Variants in RETREG3 observed in about 807,000 individuals in gnomAD.
RETREG3 encodes the protein reticulophagy regulator 3.
In RETREG3, 23 loss-of-function variants were observed where a neutral mutation model predicts 50.2. That is an observed-to-expected ratio of 0.46 (90% CI 0.33 to 0.65). The LOEUF is 0.65. RETREG3 is among the 30% of genes least tolerant of loss of function. RETREG3 has a pLI of 0.02. For missense variants in RETREG3, 546 were observed against 598.0 expected (o/e 0.91, Z 0.91); for synonymous variants, 240 against 234.4 (o/e 1.02, Z -0.22).
intron 1 of RETREG3, among the ~76,000 whole-genome samples, chr17:42,596,948 C>T (rs1163290768): frequency 6.6e-6 from 1 of 151,142 alleles, no homozygotes; most frequent in Non-Finnish European, 1.5e-5. Context: ...TCTTGGCTCA[C>T]TGCAACCTCT....
intron 1 of RETREG3, among the ~76,000 whole-genome samples, chr17:42,595,774 T>C (rs528475530): frequency 4.8e-4 from 72 of 149,750 alleles, no homozygotes; most frequent in African/African-American, 1.7e-3. Flanking sequence ...ATTCAAGAGA[T>C]TGATTCTCCC....
intron 1 of RETREG3, chr17:42,598,591 G>A (rs2093152585): frequency 6.6e-6 from 1 of 151,886 alleles, no homozygotes. Context: ...TACTAGATTG[G>A]TGTTTTCCCT....
chr17:42,596,073 C>A (rs1292988867), intron 1 of RETREG3, among the ~76,000 whole-genome samples: 1 of 151,602 alleles, frequency 6.6e-6, no homozygotes, highest in Admixed American at 6.6e-5. Flanking sequence ...TTATCGTTGC[C>A]GAAAAATGTT....
rs144977296 is a variant in RETREG3, at chr17:42,591,075, A to G, written c.346+981T>C. On this transcript the variant is annotated intron_variant, in intron 2 of 8. Transcript: ENST00000309428. ...AACCTTCATCCTGGCCATATGATCA[A>G]TTCTCTGATGTCAGGAAATGCTTTG... Among the ~76,000 whole-genome samples the G allele has an allele frequency of 5.4e-3, 829 of 152,328 alleles. 3 individuals are homozygous for G. Among genetic ancestry groups the G allele is most frequent in the Non-Finnish European group, 7.2e-3 (493 of 68,024 alleles).
Position 42,581,863 on chromosome 17 carries a change from C to A in RETREG3, c.1351G>T (p.Asp451Tyr). The part of the protein sequence containing the change: ...DAEGDDFELL[D>Y]QSELSQLDPA... ...TCCAGCTGACTCAGCTCCGACTGGT[C>A]CAGAAGTTCAAAGTCATCCCCCTCA... The change falls in exon 9 of 9, where the codon GAC (aspartate) becomes TAC (tyrosine). Residue 451 changes from aspartate (D) to tyrosine (Y), a missense_variant. Physicochemically the swap from Asp to Tyr is radical, Grantham distance 160 (BLOSUM62 -3). Transcript: ENST00000309428. The A allele has an allele frequency of 6.2e-7, 1 of 1,611,944 alleles. No homozygotes were observed. Among genetic ancestry groups the A allele is most frequent in the Non-Finnish European group, 8.5e-7 (1 of 1,178,476 alleles).
chr17:42,587,770 T>C, intron 3 of RETREG3, 64 bp downstream of exon 3: 1 of 1,595,802 alleles, frequency 6.3e-7, no homozygotes, highest in Non-Finnish European at 8.6e-7. Flanking sequence ...TAACAACATG[T>C]AACCAGAATA....
intron 1 of RETREG3, among the ~76,000 whole-genome samples, chr17:42,600,022 C>A (rs1269190929): frequency 1.3e-5 from 2 of 151,552 alleles, no homozygotes; most frequent in African/African-American, 2.4e-5. Flanking sequence ...ACAGAAAAAA[C>A]CACCTAAACA....
At chr17:42,588,077 A>G (rs1181576030) in intron 2 of RETREG3, among the ~76,000 whole-genome samples, 4 of 152,196 alleles carry the variant, frequency 2.6e-5, no homozygotes. Context: ...GAGGGGAAGG[A>G]AGGGAGGTCC....
chr17:42,595,621 G>T (rs978118009), intron 1 of RETREG3, among the ~76,000 whole-genome samples: 2 of 149,694 alleles, frequency 1.3e-5, no homozygotes, highest in Non-Finnish European at 1.5e-5. Flanking sequence ...ACGGGAACAA[G>T]AACTCAGAAA....
At position 42,591,906 on chromosome 17, in the gene RETREG3, C is replaced by T. The variant is rs1184576240; in HGVS notation, c.346+150G>A. 6.7e-6 allele frequency: 4 copies of T among 594,520 alleles called. No homozygotes were observed. The African/African-American group carries it at 7.5e-5, about 11-fold the overall frequency. The allele number at this position is 594,520 out of a possible 1,614,324, so 36.8% of individuals were successfully genotyped here. Reference sequence around the variant, plus strand: ...TAAGGAACCATAATTGGGGCACAAGCCCTTCAAGTGCCTCCTAAAGCAAAT... The same window carrying T: ...TAAGGAACCATAATTGGGGCACAAGTCCTTCAAGTGCCTCCTAAAGCAAAT... On this transcript the variant is annotated intron_variant, in intron 2 of 8. Transcript: ENST00000309428.
chr17:42,599,568 C>T (rs1316243978), intron 1 of RETREG3, among the ~76,000 whole-genome samples: 4 of 150,530 alleles, frequency 2.7e-5, no homozygotes, highest in Admixed American at 6.7e-5. Flanking sequence ...GCAGGACAAT[C>T]GCTTGAACCC....
At chr17:42,591,968 ACCT>A in intron 2 of RETREG3, 85 bp downstream of exon 2, 1 of 1,147,400 alleles carries the variant, frequency 8.7e-7, no homozygotes, top group Non-Finnish European at 1.3e-6. Context: ...AGCTCCATAC[ACCT>A]CCTCATAAAC....
intron 1 of RETREG3, chr17:42,608,804 C>A (rs1567929078): frequency 2.6e-6 from 1 of 386,904 alleles, no homozygotes; most frequent in Non-Finnish European, 4.6e-6. Context: ...GAGGAGCCCT[C>A]GCTCACTCTT....
intron 1 of RETREG3, among the ~76,000 whole-genome samples, chr17:42,607,481 T>TA (rs2093169911): frequency 1.7e-5 from 2 of 115,436 alleles, no homozygotes; most frequent in African/African-American, 3.5e-5. Context: ...GCCTGGGTGA[T>TA]AGAGCAAGAC....
In RETREG3 at chr17:42,607,611, C is replaced by A. The variant is rs2093170463; in HGVS notation, c.239+1475G>T. Among the ~76,000 whole-genome samples the A allele has an allele frequency of 2.0e-5, 3 of 151,270 alleles. No individual in the cohort carries two copies. The South Asian group carries it at 6.3e-4, about 32-fold the overall frequency. Reference sequence around the variant, plus strand: ...CCTGACCTCGGGAGTTCGAGACCAGCCTGACCAACATGGAGAAACCCCATC... The same window carrying A: ...CCTGACCTCGGGAGTTCGAGACCAGACTGACCAACATGGAGAAACCCCATC... On this transcript the variant is annotated intron_variant, in intron 1 of 8. Transcript: ENST00000309428.
chr17:42,597,446 CAA>C (rs1456488916), intron 1 of RETREG3, among the ~76,000 whole-genome samples: 12 of 148,914 alleles, frequency 8.1e-5, no homozygotes, highest in Non-Finnish European at 1.5e-4. Context: ...CTCGGCATCC[CAA>C]AGTGCTGGGA....
intron 1 of RETREG3, among the ~76,000 whole-genome samples, chr17:42,603,282 G>C (rs2093161723): frequency 1.3e-5 from 2 of 152,192 alleles, no homozygotes; most frequent in South Asian, 4.2e-4. Context: ...TATTTTCAAA[G>C]ACATGATTTC....
chr17:42,582,651 C>T, intron 8 of RETREG3, 23 bp downstream of exon 8: 2 of 1,613,784 alleles, frequency 1.2e-6, no homozygotes, highest in Non-Finnish European at 1.7e-6. Context: ...CCATTATCAA[C>T]TGAGGTCAAA....
At position 42,592,155 on chromosome 17, in the gene RETREG3, C is replaced by T; in HGVS notation, c.247G>A (p.Ala83Thr). The change falls in exon 2 of 9, where the codon GCC becomes ACC. Residue 83 changes from alanine (A) to threonine (T), a missense_variant. Coordinates refer to ENST00000309428, the MANE Select transcript of RETREG3 (RefSeq NM_178126.4). ...LGLNAAFWFF[A>T]LTSLRLVFLL... ...AACACAAGACGAAGAGATGTCAGGG[C>T]AAAAAACCTACAGAGGAAGAAAAAC... is the stretch of plus-strand genomic sequence containing the variant. 6.2e-7 allele frequency: 1 copy of T among 1,611,448 alleles called. No individual in the cohort carries two copies. The highest frequency in any genetic ancestry group is 1.1e-5 in the South Asian group (1 of 90,652).
Sources: allele counts gnomAD v4.1 joint callset (sites outside exome capture counted in the v4.1 genomes callset), GRCh38; gene constraint gnomAD v4.1.1; transcripts MANE v1.5; gene names NCBI Gene and HGNC (gene_info 2026-07-23, HGNC 2026-07-21).